Variants in LDLRAD4 observed in about 807,000 individuals in gnomAD.
The protein encoded by LDLRAD4 is low density lipoprotein receptor class A domain containing 4, also known as low-density lipoprotein receptor class A domain-containing protein 4.
In LDLRAD4, 5 loss-of-function variants were observed where a neutral mutation model predicts 17.0. That is an observed-to-expected ratio of 0.29 (90% CI 0.15 to 0.62). The LOEUF (loss-of-function observed/expected upper bound fraction) is 0.62. Among genes scored for constraint, LDLRAD4 ranks in the 20% least tolerant of loss-of-function variants. LDLRAD4 has a pLI of 0.84. For missense variants in LDLRAD4, 340 were observed against 424.7 expected (o/e 0.80, Z 1.75); for synonymous variants, 168 against 171.8 (o/e 0.98, Z 0.17).
At chr18:13,253,281 C>G (rs771783443) in intron 1 of LDLRAD4, among the ~76,000 whole-genome samples, 1 of 152,124 alleles carries the variant, frequency 6.6e-6, no homozygotes, top group African/African-American at 2.4e-5. Context: ...CGCCCGGAGC[C>G]TTGCTGTGAT....
intron 1 of LDLRAD4, among the ~76,000 whole-genome samples, chr18:13,361,621 C>T (rs886971724): frequency 1.3e-5 from 2 of 152,114 alleles, no homozygotes; most frequent in Non-Finnish European, 2.9e-5. Flanking sequence ...GGCAGGAGTG[C>T]GTGTTGTCTT....
chr18:13,649,469 C>G (rs2043151621), exon 6 of LDLRAD4: 1 of 152,218 alleles, frequency 6.6e-6, no homozygotes, highest in African/African-American at 2.4e-5. Context: ...CAAATATGTC[C>G]TCAGGCCAGA....
chr18:13,310,456 G>GA (rs1462810167), intron 1 of LDLRAD4, among the ~76,000 whole-genome samples: 1 of 152,164 alleles, frequency 6.6e-6, no homozygotes, highest in Non-Finnish European at 1.5e-5. Flanking sequence ...GGTTGAAAAG[G>GA]AAAAAAGACA....
chr18:13,271,148 A>G (rs1410642913), intron 1 of LDLRAD4, among the ~76,000 whole-genome samples: 1 of 152,212 alleles, frequency 6.6e-6, no homozygotes, highest in Non-Finnish European at 1.5e-5. Context: ...GCCATTCAGA[A>G]ATGCTGGGAA....
intron 1 of LDLRAD4, among the ~76,000 whole-genome samples, chr18:13,371,210 C>T (rs575639583): frequency 6.6e-6 from 1 of 152,268 alleles, no homozygotes; most frequent in African/African-American, 2.4e-5. Context: ...CTCTCACACC[C>T]AGGCTCCAGG....
chr18:13,510,766 C>T (rs1168580503), intron 3 of LDLRAD4, among the ~76,000 whole-genome samples: 3 of 152,168 alleles, frequency 2.0e-5, no homozygotes, highest in African/African-American at 7.2e-5. Flanking sequence ...TTAAGTTTCC[C>T]AGCCAGGGCT....
At chr18:13,575,688 C>T (rs536217648) in intron 3 of LDLRAD4, among the ~76,000 whole-genome samples, 22 of 152,308 alleles carry the variant, frequency 1.4e-4, no homozygotes, top group Non-Finnish European at 2.9e-4. Flanking sequence ...ACATTCCCAC[C>T]AGCTGTGTAA....
At chr18:13,509,044 TG>T (rs2093737988) in intron 3 of LDLRAD4, among the ~76,000 whole-genome samples, 1 of 152,190 alleles carries the variant, frequency 6.6e-6, no homozygotes, top group Admixed American at 6.5e-5. Context: ...GGCTCATGCC[TG>T]TAATTCCAGC....
At chr18:13,567,056 G>T (rs2148292207) in intron 3 of LDLRAD4, among the ~76,000 whole-genome samples, 1 of 152,304 alleles carries the variant, frequency 6.6e-6, no homozygotes, top group East Asian at 1.9e-4. Flanking sequence ...GCCCAGGGGG[G>T]AAGCAGCCCT....
chr18:13,240,210 C>T (rs1482365799), intron 1 of LDLRAD4: 1 of 152,274 alleles, frequency 6.6e-6, no homozygotes, highest in African/African-American at 2.4e-5. Flanking sequence ...AAGAGTCACA[C>T]ATTCACCTTC....
At chr18:13,547,122 T>C (rs2094376702) in intron 3 of LDLRAD4, among the ~76,000 whole-genome samples, 1 of 152,218 alleles carries the variant, frequency 6.6e-6, no homozygotes, top group Non-Finnish European at 1.5e-5. Flanking sequence ...TGTCTTCCTT[T>C]GTTAACCTGC....
chr18:13,351,490 C>T (rs1336452284), intron 1 of LDLRAD4, among the ~76,000 whole-genome samples: 4 of 152,110 alleles, frequency 2.6e-5, no homozygotes, highest in Admixed American at 2.6e-4. Context: ...TATCCTGAGA[C>T]TTTGCTGCAG....
At chr18:13,315,742 C>T (rs1018567237) in intron 1 of LDLRAD4, among the ~76,000 whole-genome samples, 1 of 148,546 alleles carries the variant, frequency 6.7e-6, no homozygotes, top group South Asian at 2.1e-4. Context: ...TGAGATCATG[C>T]CATTGCACTC....
rs996967487 is a variant in LDLRAD4 at position 13,447,447 on chromosome 18, T to C, written c.181+9063T>C. Among the ~76,000 whole-genome samples, 8 of 151,986 alleles carry C rather than the reference T, an allele frequency of 5.3e-5. No individual in the cohort carries two copies. In the East Asian group the frequency reaches 1.5e-3, roughly 29 times the overall value. ...GGTCTTAAATGGTAATTCTGCCTTT[T>C]CAAATAAACAAAGGCGGAGAACAAA... On this transcript the variant is annotated intron_variant, in intron 3 of 5. Coordinates refer to ENST00000359446, the Ensembl canonical transcript of LDLRAD4.
intron 1 of LDLRAD4, among the ~76,000 whole-genome samples, chr18:13,346,764 T>C (rs1350591272): frequency 6.6e-6 from 1 of 152,206 alleles, no homozygotes; most frequent in Non-Finnish European, 1.5e-5. Flanking sequence ...GGTGCTCCTG[T>C]ATTGGGTGCA....
chr18:13,329,407 G>A (rs931309663), intron 1 of LDLRAD4, among the ~76,000 whole-genome samples: 1 of 152,188 alleles, frequency 6.6e-6, no homozygotes, highest in African/African-American at 2.4e-5. Context: ...TATTATGAGT[G>A]AGGTTGTCTT....
chr18:13,580,714 C>T (rs2094844598), intron 3 of LDLRAD4, among the ~76,000 whole-genome samples: 1 of 152,068 alleles, frequency 6.6e-6, no homozygotes, highest in Admixed American at 6.5e-5. Flanking sequence ...GTGCCCTTGT[C>T]CAGAGGCAGG....
At chr18:13,483,223 C>T (rs1281529571) in intron 3 of LDLRAD4, among the ~76,000 whole-genome samples, 1 of 152,156 alleles carries the variant, frequency 6.6e-6, no homozygotes, top group Non-Finnish European at 1.5e-5. Flanking sequence ...ATATTGAGCC[C>T]CAGTCCTTTT....
intron 2 of LDLRAD4, chr18:13,420,079 G>C (rs1334851588): frequency 1.3e-5 from 2 of 152,102 alleles, no homozygotes; most frequent in Admixed American, 6.5e-5. Flanking sequence ...TAAAAGGGGG[G>C]TTCTCAGGAC....
Sources: allele counts gnomAD v4.1 joint callset (sites outside exome capture counted in the v4.1 genomes callset), GRCh38; gene constraint gnomAD v4.1.1; transcripts MANE v1.5; gene names NCBI Gene and HGNC (gene_info 2026-07-23, HGNC 2026-07-21).